Variants in UNC5C observed in about 807,000 individuals in gnomAD.
UNC5C encodes unc-5 netrin receptor C.
UNC5C carries 47 observed loss-of-function variants against 99.8 expected under a neutral mutation model. The ratio of observed to expected loss-of-function variants is 0.47; its 90% CI spans 0.37 to 0.60. UNC5C has a LOEUF of 0.60. Ranked by LOEUF, UNC5C falls within the 20% of genes least tolerant of loss-of-function variation. UNC5C has a pLI of 0.00. For missense variants in UNC5C, 1,062 were observed against 1,165.9 expected (o/e 0.91, Z 1.30); for synonymous variants, 487 against 452.2 (o/e 1.08, Z -0.98).
At chr4:95,383,830 A>G (rs1745138692) in intron 1 of UNC5C, among the ~76,000 whole-genome samples, 1 of 152,214 alleles carries the variant, frequency 6.6e-6, no homozygotes, top group South Asian at 2.1e-4. Context: ...CCAGTTTTTA[A>G]TAAATGGAGA....
intron 1 of UNC5C, among the ~76,000 whole-genome samples, chr4:95,548,154 T>A (rs986873794): frequency 1.4e-5 from 2 of 147,228 alleles, no homozygotes; most frequent in African/African-American, 5.2e-5. Flanking sequence ...GGGTGAGCTG[T>A]GTATTTCCAC....
rs190112048 is a variant in UNC5C at position 95,469,927 on chromosome 4, C to T, written c.124+78807G>A. ...TTTAGTGGATCTTTTAACACTGGAG[C>T]TCACTGCAATAGCAACAGGAGGTGG... is the stretch of plus-strand genomic sequence containing the variant. On this transcript the variant is annotated intron_variant, in intron 1 of 15. Coordinates refer to ENST00000453304, the MANE Select transcript of UNC5C (RefSeq NM_003728.4). 5.6e-3 allele frequency among the ~76,000 whole-genome samples: 852 copies of T among 152,198 alleles called. 7 individuals carry two copies. The highest frequency in any genetic ancestry group is 0.019 in the African/African-American group (789 of 41,542).
At chr4:95,330,565 G>A (rs1490578430) in intron 2 of UNC5C, among the ~76,000 whole-genome samples, 2 of 151,964 alleles carry the variant, frequency 1.3e-5, no homozygotes, top group East Asian at 3.9e-4. Context: ...AGGAAAGTTG[G>A]TTGGTGATAC....
At chr4:95,296,614 T>G (rs540967854) in intron 3 of UNC5C, among the ~76,000 whole-genome samples, 1 of 152,190 alleles carries the variant, frequency 6.6e-6, no homozygotes, top group African/African-American at 2.4e-5. Flanking sequence ...TTTGAAACTA[T>G]GCAGCTCTTA....
chr4:95,202,927 G>A lies in UNC5C; in HGVS notation c.1940C>T (p.Pro647Leu). The A allele has an allele frequency of 1.2e-6, 2 of 1,614,210 alleles. No individual in the cohort carries two copies. Residue 647 changes from proline to leucine, a missense_variant, in exon 12 of 16, where the codon CCC becomes CTC. By Grantham distance (98) the Pro-to-Leu change is moderately conservative (BLOSUM62 -3). This residue lies in a region of UNC5C where 810 missense variants were observed against 854.5 expected (regional missense o/e 0.95). Transcript: ENST00000453304. ...VVVGEENFTT[P>L]CYIQLDAEAC... ...CTCTGCATCCAGCTGAATGTAGCAGGGGGTGGTGAAGTTTTCCTCCCCGAC... is the reference window on the plus strand; with the variant it reads ...CTCTGCATCCAGCTGAATGTAGCAGAGGGTGGTGAAGTTTTCCTCCCCGAC...
chr4:95,302,683 G>A (rs1258889993), intron 2 of UNC5C, among the ~76,000 whole-genome samples: 1 of 152,148 alleles, frequency 6.6e-6, no homozygotes, highest in Non-Finnish European at 1.5e-5. Context: ...TTTGCTTTGG[G>A]TCAAGTATAG....
chr4:95,292,216 TACAC>T (rs1301879539), intron 3 of UNC5C, among the ~76,000 whole-genome samples: 24 of 125,192 alleles, frequency 1.9e-4, no homozygotes, highest in Middle Eastern at 4.2e-3. Context: ...TACATATATA[TACAC>T]ACACACACAC....
Position 95,215,969 on chromosome 4 carries a change from G to A in UNC5C, c.1733+155C>T, listed in dbSNP as rs577561010. On this transcript the variant is annotated intron_variant, in intron 10 of 15. Coordinates refer to ENST00000453304, the MANE Select transcript of UNC5C (RefSeq NM_003728.4). ...TCTGGAGCCTCAAAGACAAAGAGAA[G>A]TAAAACCTGACCTTTTGTAGGTCAA... The A allele has an allele frequency of 7.1e-4, 390 of 547,622 alleles. 1 individual carries two copies. Among genetic ancestry groups the A allele is most frequent in the Middle Eastern group, 6.4e-3 (13 of 2,034 alleles). The allele number at this position is 547,622 out of a possible 1,614,324, so 33.9% of individuals were successfully genotyped here. A position where few individuals can be genotyped will look rare whatever the true frequency, so the allele number is the denominator to read the frequency against.
chr4:95,176,254 T>C (rs1448523218), intron 14 of UNC5C, among the ~76,000 whole-genome samples: 1 of 152,268 alleles, frequency 6.6e-6, no homozygotes, highest in Admixed American at 6.5e-5. Context: ...GTCAAGGTCA[T>C]TCCCTGTCCA....
chr4:95,524,383 G>A (rs918042605), intron 1 of UNC5C, among the ~76,000 whole-genome samples: 4 of 152,168 alleles, frequency 2.6e-5, no homozygotes, highest in African/African-American at 9.7e-5. Flanking sequence ...CAACAGGGGC[G>A]ATTATTATTG....
chr4:95,245,361 C>G (rs1358763037), intron 5 of UNC5C, among the ~76,000 whole-genome samples: 1 of 152,054 alleles, frequency 6.6e-6, no homozygotes, highest in Admixed American at 6.5e-5. Context: ...AAGATTTACT[C>G]ACCTACTCAG....
intron 4 of UNC5C, 24 bp from the exon 5 acceptor site, chr4:95,250,691 A>G (rs771697068): frequency 6.2e-7 from 1 of 1,608,890 alleles, no homozygotes; most frequent in South Asian, 1.1e-5. Context: ...AGAAAAGTAG[A>G]TAAATCCTCA....
At chr4:95,517,203 T>C (rs1722240067) in intron 1 of UNC5C, among the ~76,000 whole-genome samples, 1 of 152,206 alleles carries the variant, frequency 6.6e-6, no homozygotes, top group Admixed American at 6.5e-5. Flanking sequence ...AAATGCAAGA[T>C]ACTGTTATCT....
In UNC5C at chr4:95,456,612, G is replaced by C. The variant is rs181657012; in HGVS notation, c.124+92122C>G. 2.2e-3 allele frequency among the ~76,000 whole-genome samples: 337 copies of C among 152,164 alleles called. 2 individuals are homozygous for C. Among genetic ancestry groups the C allele is most frequent in the African/African-American group, 7.6e-3 (315 of 41,534 alleles). ...TAAAAGAAGAAAATTCCTGAAGCCA[G>C]ACATATTAAGGAAATAACAAAAATT... On this transcript the variant is annotated intron_variant, in intron 1 of 15. Coordinates refer to ENST00000453304, the MANE Select transcript of UNC5C (RefSeq NM_003728.4).
intron 4 of UNC5C, among the ~76,000 whole-genome samples, chr4:95,255,775 A>C (rs1180219987): frequency 6.6e-6 from 1 of 151,896 alleles, no homozygotes; most frequent in African/African-American, 2.4e-5. Context: ...AAAACTTAGA[A>C]CAAAAACCCT....
chr4:95,173,771 G>A (rs539116306), intron 14 of UNC5C, among the ~76,000 whole-genome samples: 1 of 152,316 alleles, frequency 6.6e-6, no homozygotes, highest in Non-Finnish European at 1.5e-5. Flanking sequence ...CAGTTAGGGA[G>A]GATTCCCTCT....
chr4:95,428,502 G>T (rs897582302), intron 1 of UNC5C, among the ~76,000 whole-genome samples: 1 of 152,118 alleles, frequency 6.6e-6, no homozygotes, highest in Non-Finnish European at 1.5e-5. Flanking sequence ...GGGGCTCAAT[G>T]AATGCCTTTG....
intron 1 of UNC5C, among the ~76,000 whole-genome samples, chr4:95,396,482 G>A (rs1443418921): frequency 6.6e-6 from 1 of 152,156 alleles, no homozygotes; most frequent in Non-Finnish European, 1.5e-5. Context: ...GATGATGATA[G>A]CAGCAGGAGA....
chr4:95,459,899 C>A (rs1052726143), intron 1 of UNC5C, among the ~76,000 whole-genome samples: 1 of 152,160 alleles, frequency 6.6e-6, no homozygotes, highest in Non-Finnish European at 1.5e-5. Flanking sequence ...TTGTCACTCA[C>A]TCATGGATTA....
Sources: allele counts gnomAD v4.1 joint callset (sites outside exome capture counted in the v4.1 genomes callset), GRCh38; gene constraint gnomAD v4.1.1; regional missense constraint gnomAD v4.1.1; transcripts MANE v1.5; gene names NCBI Gene and HGNC (gene_info 2026-07-23, HGNC 2026-07-21).